CLUL1: variants seen among roughly 807,000 people sequenced by gnomAD.
The protein encoded by CLUL1 is clusterin like 1.
Under a neutral mutation model 49.4 loss-of-function variants are expected in CLUL1, and 43 were observed. That is an observed-to-expected ratio of 0.87 (90% CI 0.68 to 1.12). The LOEUF is 1.12. Among genes scored for constraint, CLUL1 ranks in the 50% most tolerant of loss-of-function variants. The pLI is 0.00. For missense variants in CLUL1, 486 were observed against 544.4 expected (o/e 0.89, Z 1.07); for synonymous variants, 192 against 184.9 (o/e 1.04, Z -0.31).
intron 9 of CLUL1, 143 bp from the exon 10 acceptor site, chr18:649,755 T>G: frequency 1.6e-6 from 1 of 620,620 alleles, no homozygotes; most frequent in Non-Finnish European, 2.9e-6. Flanking sequence ...ATTATTTTGC[T>G]ACATACAGTA....
At chr18:598,690 C>T (rs1411929677) in intron 1 of CLUL1, 3 of 396,592 alleles carry the variant, frequency 7.6e-6, no homozygotes, top group Non-Finnish European at 1.3e-5. Context: ...TTTCCATGGG[C>T]TCACCTTTAA....
intron 2 of CLUL1, chr18:612,945 A>T (rs1168882355): frequency 4.7e-6 from 1 of 212,988 alleles, no homozygotes; most frequent in East Asian, 9.2e-5. Context: ...CTTGATATTT[A>T]TATACATCCT....
intron 2 of CLUL1, among the ~76,000 whole-genome samples, chr18:610,169 A>C (rs1222205855): frequency 2.0e-5 from 3 of 152,242 alleles, no homozygotes; most frequent in African/African-American, 7.2e-5. Context: ...GGTCATAATA[A>C]TGTGGCCAGA....
intron 4 of CLUL1, among the ~76,000 whole-genome samples, chr18:621,179 C>T (rs1229692604): frequency 6.6e-6 from 1 of 152,132 alleles, no homozygotes; most frequent in Non-Finnish European, 1.5e-5. Context: ...CCCCCCACCC[C>T]AGTCAGATTT....
chr18:646,029 G>T (rs1482119809), intron 9 of CLUL1, among the ~76,000 whole-genome samples: 1 of 149,996 alleles, frequency 6.7e-6, no homozygotes, highest in Non-Finnish European at 1.5e-5. Flanking sequence ...GTATTATCAT[G>T]ATTTTTCAGA....
At chr18:612,967 A>G (rs946871869) in intron 2 of CLUL1, 2 of 246,570 alleles carry the variant, frequency 8.1e-6, no homozygotes, top group African/African-American at 4.5e-5. Context: ...ATCAATAATT[A>G]AATTTGTGTA....
chr18:621,319 C>A (rs772296067), intron 4 of CLUL1, among the ~76,000 whole-genome samples: 1 of 152,148 alleles, frequency 6.6e-6, no homozygotes, highest in Non-Finnish European at 1.5e-5. Context: ...CTCTGGGAGT[C>A]CGTTAAGCAA....
At chr18:620,164 G>A (rs76590812) in intron 4 of CLUL1, among the ~76,000 whole-genome samples, 574 of 152,252 alleles carry the variant, frequency 3.8e-3, no homozygotes, top group Non-Finnish European at 6.2e-3. Context: ...TTCATCATTA[G>A]CGAGTGTGGA....
intron 9 of CLUL1, among the ~76,000 whole-genome samples, chr18:648,445 A>C (rs2074578622): frequency 6.6e-6 from 1 of 152,170 alleles, no homozygotes; most frequent in Non-Finnish European, 1.5e-5. Flanking sequence ...TAGACGACAA[A>C]AATTATCCAT....
intron 2 of CLUL1, among the ~76,000 whole-genome samples, chr18:613,515 C>T (rs1675150): frequency 0.21 from 31,728 of 150,048 alleles, 3,676 homozygotes; most frequent in South Asian, 0.31. Flanking sequence ...AGTGCAGTGA[C>T]GCTATCTCAG....
chr18:645,947 C>A (rs7234641), intron 9 of CLUL1, among the ~76,000 whole-genome samples: 63,532 of 146,786 alleles, frequency 0.43, 14,621 homozygotes, highest in East Asian at 0.7. Context: ...TAAAAATATT[C>A]AAAAAATTTA....
intron 7 of CLUL1, among the ~76,000 whole-genome samples, chr18:637,668 A>G (rs1346178714): frequency 6.6e-6 from 1 of 152,090 alleles, no homozygotes; most frequent in Non-Finnish European, 1.5e-5. Flanking sequence ...GGTTACCTAG[A>G]GCAGTTGAGA....
At position 627,415 on chromosome 18, in the gene CLUL1, A is replaced by G. The variant is rs1567967956; in HGVS notation, c.742A>G (p.Ile248Val). 3 of 1,614,060 alleles carry G rather than the reference A, an allele frequency of 1.9e-6. No homozygotes were observed. Among genetic ancestry groups the G allele is most frequent in the Non-Finnish European group, 2.5e-6 (3 of 1,179,896 alleles). Residue 248 changes from isoleucine (I) to valine (V), a missense_variant, in exon 6 of 10, where the codon ATT becomes GTT. Physicochemically the swap from Ile to Val is conservative, Grantham distance 29. Coordinates refer to ENST00000692774, the MANE Select transcript of CLUL1 (RefSeq NM_001393344.1). Reference sequence around the variant, plus strand: ...AGCAGATCTTGAGCAATGTTGGGACATTCCCAACTTCTTCCAGCTGTTTTG... The same window carrying G: ...AGCAGATCTTGAGCAATGTTGGGACGTTCCCAACTTCTTCCAGCTGTTTTG... The part of the protein sequence containing the change: ...TKADLEQCWD[I>V]PNFFQLFCNF...
chr18:626,927 GA>G (rs1567966636), intron 5 of CLUL1, among the ~76,000 whole-genome samples, 169 bp from the exon 6 acceptor site: 231 of 1,666 alleles, frequency 0.14, 53 homozygotes, highest in African/African-American at 0.14. Flanking sequence ...AAGAAAGAAA[GA>G]AGGAAAGAAG....
At chr18:642,314 C>T (rs1466713429) in intron 8 of CLUL1, among the ~76,000 whole-genome samples, 3 of 152,104 alleles carry the variant, frequency 2.0e-5, no homozygotes, top group Non-Finnish European at 2.9e-5. Context: ...CACTTGTAAT[C>T]CCAGCTACTC....
intron 9 of CLUL1, chr18:649,543 G>A (rs2074617323): frequency 5.8e-6 from 1 of 172,186 alleles, no homozygotes; most frequent in Admixed American, 6.3e-5. Context: ...ATCGTGAAAG[G>A]CAAATATACA....
rs962662521 is a variant in CLUL1, at chr18:606,855, C to A, written c.-135-123C>A. On this transcript the variant is annotated intron_variant, in intron 1 of 9. Transcript: ENST00000692774. This position sits in a 1 kb window ranked among gnomAD's most constrained non-coding sequence, Gnocchi z 4.1. ...GGGCATCTGCCTTCCCCCACCAGCA[C>A]CCCCCACAAGGCAAGGCCAGTTCAC... The A allele has an allele frequency of 8.1e-6, 4 of 495,674 alleles. No homozygotes were observed. The highest frequency in any genetic ancestry group is 2.0e-5 in the African/African-American group (1 of 51,078). The allele number at this position is 495,674 out of a possible 1,614,324, so 30.7% of individuals were successfully genotyped here.
At chr18:646,725 C>G (rs2074518849) in intron 9 of CLUL1, among the ~76,000 whole-genome samples, 1 of 151,518 alleles carries the variant, frequency 6.6e-6, no homozygotes, top group African/African-American at 2.4e-5. Context: ...CCCACTCTGT[C>G]CTCTCCCTTT....
intron 2 of CLUL1, among the ~76,000 whole-genome samples, chr18:610,604 G>A (rs564154971): frequency 1.3e-5 from 2 of 152,240 alleles, no homozygotes; most frequent in African/African-American, 4.8e-5. Flanking sequence ...GAGCACCCAG[G>A]ACAAAGCCCC....
Sources: allele counts gnomAD v4.1 joint callset (sites outside exome capture counted in the v4.1 genomes callset), GRCh38; gene constraint gnomAD v4.1.1; non-coding constraint Gnocchi (gnomAD v3.1); transcripts MANE v1.5; gene names NCBI Gene and HGNC (gene_info 2026-07-23, HGNC 2026-07-21).